The following CIITA variants were observed in gnomAD, a reference collection of about 807,000 sequenced individuals.
The protein encoded by CIITA is MHC class II transactivator.
Under a neutral mutation model 115.1 loss-of-function variants are expected in CIITA, and 72 were observed. The observed-to-expected ratio is 0.63, with a 90% CI of 0.52 to 0.76. CIITA has a LOEUF of 0.76. Among genes scored for constraint, CIITA ranks in the 30% least tolerant of loss-of-function variants. The pLI is 0.00. For synonymous variants in CIITA, 763 were observed against 635.6 expected (o/e 1.20, Z -3.02); for missense variants, 1,617 against 1,463.8 (o/e 1.10, Z -1.71).
rs764908948 is a variant in CIITA, at chr16:10,866,329, C to A, written c.-21+10C>A. The A allele has an allele frequency of 1.6e-5, 9 of 569,236 alleles. No individual in the cohort carries two copies. The East Asian group carries it at 3.4e-4, about 21-fold the overall frequency. 35.3% of individuals were successfully genotyped at this position (569,236 alleles called of 1,614,324 possible). ...GGCCATCCTGACTCAGGTGAGAATG[C>A]TGCTCTCCAGCCATCAGCCCAGCCT... On this transcript the variant is annotated intron_variant, in intron 1 of 5. Transcript: ENST00000636238.
In CIITA at chr16:10,923,453, C is replaced by T; in HGVS notation, c.*22+128C>T. The T allele has an allele frequency of 9.9e-6, 7 of 707,048 alleles. No individual in the cohort carries two copies. The highest frequency in any genetic ancestry group is 3.4e-4 in the Middle Eastern group (1 of 2,942). 43.8% of individuals were successfully genotyped at this position (707,048 alleles called of 1,614,324 possible). ...GGCCACCACCCTTGGACGCATGCGT[C>T]ATCAGAGACATCCCCTCATCTCCAC... On this transcript the variant is annotated intron_variant, in intron 19 of 19. Coordinates refer to ENST00000324288, the MANE Select transcript of CIITA (RefSeq NM_000246.4). The surrounding 1 kb of genome is among the most constrained non-coding windows in gnomAD (Gnocchi z 5.2).
intron 1 of CIITA, 29 bp from the exon 2 acceptor site, chr16:10,895,253 A>T (rs754878641): frequency 6.2e-7 from 1 of 1,612,972 alleles, no homozygotes; most frequent in Non-Finnish European, 8.5e-7. Flanking sequence ...ACACCCTGTG[A>T]GGTGACTGAG....
chr16:10,907,462 T>A lies in CIITA; in HGVS notation c.1970T>A (p.Leu657Gln), dbSNP rs765471411. The change falls in exon 11 of 20, where the codon CTG becomes CAG. Residue 657 changes from leucine to glutamine, a missense_variant. Leu to Gln is a moderately radical substitution (Grantham distance 113). Coordinates refer to ENST00000324288, the MANE Select transcript of CIITA (RefSeq NM_000246.4). The surrounding 1 kb of genome is among the most constrained non-coding windows in gnomAD (Gnocchi z 5.0). ...RAALDSPPGA[L>Q]AELAKLAWEL... ...GCCCTCGACAGCCCCCCCGGGGCCC[T>A]GGCAGAGCTGGCCAAGCTGGCCTGG... is the stretch of plus-strand genomic sequence containing the variant. 1.9e-6 allele frequency: 3 copies of A among 1,613,442 alleles called. No individual in the cohort carries two copies. Among genetic ancestry groups the A allele is most frequent in the Non-Finnish European group, 2.5e-6 (3 of 1,179,904 alleles).
chr16:10,895,999 AT>A (rs559588184), intron 3 of CIITA, among the ~76,000 whole-genome samples: 81 of 151,926 alleles, frequency 5.3e-4, no homozygotes, highest in African/African-American at 1.9e-3. Context: ...ACAAAATCTC[AT>A]GTTTACATCC....
chr16:10,869,482 CCACACT>C (rs1432483920), intron 1 of CIITA, among the ~76,000 whole-genome samples: 1 of 151,928 alleles, frequency 6.6e-6, no homozygotes, highest in Non-Finnish European at 1.5e-5. Flanking sequence ...ACTCCTCCCT[CCACACT>C]CTGAGCCCCC....
In CIITA at chr16:10,899,854, C is replaced by T. The variant is rs538914518; in HGVS notation, c.436+852C>T. 5.9e-5 allele frequency among the ~76,000 whole-genome samples: 9 copies of T among 152,198 alleles called. 1 individual carries two copies. Among genetic ancestry groups the T allele is most frequent in the Middle Eastern group, 6.8e-3 (2 of 294 alleles). On this transcript the variant is annotated intron_variant, in intron 5 of 19. Transcript: ENST00000324288. Reference sequence around the variant, plus strand: ...CAGCAGTTTGGGAGGCCAAGGGGGACGGATCACTTGAGGTCAGGAGTTTGA... The same window carrying T: ...CAGCAGTTTGGGAGGCCAAGGGGGATGGATCACTTGAGGTCAGGAGTTTGA...
chr16:10,919,065 C>A (rs1257790381), intron 16 of CIITA, among the ~76,000 whole-genome samples: 11 of 152,244 alleles, frequency 7.2e-5, no homozygotes, highest in Non-Finnish European at 2.9e-5. Context: ...ATTACCAGCT[C>A]TTCTTACTCG....
intron 1 of CIITA, among the ~76,000 whole-genome samples, chr16:10,880,224 C>A (rs556869470): frequency 6.6e-6 from 1 of 152,254 alleles, no homozygotes; most frequent in African/African-American, 2.4e-5. Flanking sequence ...AGGCTCCCCA[C>A]ACATGAACAT....
intron 1 of CIITA, among the ~76,000 whole-genome samples, chr16:10,890,074 G>A (rs2037395042): frequency 6.6e-6 from 1 of 152,198 alleles, no homozygotes; most frequent in Non-Finnish European, 1.5e-5. Context: ...CCAAGAGGAA[G>A]TGCTTAAGGT....
intron 11 of CIITA, chr16:10,908,577 A>G (rs1160824795): frequency 4.8e-6 from 2 of 414,338 alleles, no homozygotes; most frequent in East Asian, 1.1e-4. Context: ...CAATCTTCTC[A>G]GAACTTGAAT....
rs2040831225 is a variant in CIITA, at chr16:10,932,286, T to C, written c.*8431T>C. 6.6e-6 allele frequency: 1 copy of C among 152,266 alleles called. No homozygotes were observed. The highest frequency in any genetic ancestry group is 2.4e-5 in the African/African-American group (1 of 41,460). 9.4% of individuals were successfully genotyped at this position (152,266 alleles called of 1,614,324 possible). ...TAAATGAAAATCGTGACAACACTTGTGTTATGAAGCATTTACTTTGTGTTC... is the reference window on the plus strand; with the variant it reads ...TAAATGAAAATCGTGACAACACTTGCGTTATGAAGCATTTACTTTGTGTTC... On this transcript the variant is annotated 3_prime_UTR_variant, in exon 20 of 20. Transcript: ENST00000324288.
In CIITA at chr16:10,929,528, C is replaced by CT. The variant is rs960393685; in HGVS notation, c.*5674dup. ...CTCCTGGGTTCAAACAGGAACCTCTCTGTTGGCACGAAGCTTTTGAGGGGA... is the reference window on the plus strand; with the variant it reads ...CTCCTGGGTTCAAACAGGAACCTCTCTTGTTGGCACGAAGCTTTTGAGGGGA... On this transcript the variant is annotated 3_prime_UTR_variant, in exon 20 of 20. Transcript: ENST00000324288. The surrounding 1 kb of genome is among the most constrained non-coding windows in gnomAD (Gnocchi z 4.3). 1 of 985,468 alleles carries CT rather than the reference C, an allele frequency of 1.0e-6. No individual in the cohort carries two copies. Among genetic ancestry groups the CT allele is most frequent in the African/African-American group, 1.7e-5 (1 of 57,238 alleles). 61.0% of individuals were successfully genotyped at this position (985,468 alleles called of 1,614,324 possible).
In CIITA at chr16:10,922,463, G is replaced by A. The variant is rs143260110; in HGVS notation, c.3290G>A (p.Arg1097Gln). 20 of 1,613,954 alleles carry A rather than the reference G, an allele frequency of 1.2e-5. No homozygotes were observed. The highest frequency in any genetic ancestry group is 1.0e-4 in the Admixed American group (6 of 60,004). ...AGAQQLAASL[R>Q]RCPHVETLAM... The stretch of plus-strand genomic sequence containing the variant: ...GCCCAGCAGCTCGCTGCCAGCCTTC[G>A]GAGGTGTCCTCATGTGGAGACGCTG... The change falls in exon 18 of 20, where the codon CGG becomes CAG. Residue 1097 changes from arginine (R) to glutamine (Q), a missense_variant. Coordinates refer to ENST00000324288, the MANE Select transcript of CIITA (RefSeq NM_000246.4).
Position 10,941,868 on chromosome 16 carries a change from G to A in CIITA, n.994G>A. The A allele has an allele frequency of 6.2e-7, 1 of 1,612,402 alleles. No homozygotes were observed. The highest frequency in any genetic ancestry group is 8.5e-7 in the Non-Finnish European group (1 of 1,179,778). On this transcript the variant is annotated non_coding_transcript_exon_variant, in exon 2 of 2. Transcript: ENST00000573379. The surrounding 1 kb of genome is among the most constrained non-coding windows in gnomAD (Gnocchi z 6.4). ...CCACGTTGAGGACGATGTACTCCAT[G>A]AGGAAGGCGTAGTACAGGATCAGCA...
rs556926120 is a variant in CIITA at position 10,924,128 on chromosome 16, G to C, written c.*273G>C. ...CAGCTGCGGTCCACCCAGGAGCCCC[G>C]AGGCCTTCTCTGAAGGACATTGCGG... On this transcript the variant is annotated 3_prime_UTR_variant, in exon 20 of 20. Coordinates refer to ENST00000324288, the MANE Select transcript of CIITA (RefSeq NM_000246.4). 6.6e-6 allele frequency: 1 copy of C among 152,370 alleles called. No homozygotes were observed. The highest frequency in any genetic ancestry group is 2.4e-5 in the African/African-American group (1 of 41,458). The allele number at this position is 152,370 out of a possible 1,614,324, so 9.4% of individuals were successfully genotyped here.
rs1476923022 is a variant in CIITA, at chr16:10,942,372, C to G, written n.1498C>G. 5.6e-6 allele frequency: 1 copy of G among 179,980 alleles called. No individual in the cohort carries two copies. Among genetic ancestry groups the G allele is most frequent in the Admixed American group, 6.4e-5 (1 of 15,620 alleles). 11.1% of individuals were successfully genotyped at this position (179,980 alleles called of 1,614,324 possible). ...CTAGGGCCGGTCCCGGCAGCCTTCT[C>G]TCCCGCCCCGCCCCGCAGGTCCTCG... On this transcript the variant is annotated non_coding_transcript_exon_variant, in exon 2 of 2. Transcript: ENST00000573379. This position sits in a 1 kb window ranked among gnomAD's most constrained non-coding sequence, Gnocchi z 5.0.
intron 12 of CIITA, among the ~76,000 whole-genome samples, 165 bp from the exon 13 acceptor site, chr16:10,910,023 C>G (rs1237396930): frequency 6.7e-6 from 1 of 148,774 alleles, no homozygotes; most frequent in Non-Finnish European, 1.5e-5. Flanking sequence ...TCACGAGGCA[C>G]CGCACCCAGA....
At chr16:10,866,599 G>A (rs770739632) in intron 1 of CIITA, 5 of 502,182 alleles carry the variant, frequency 1.0e-5, no homozygotes, top group African/African-American at 3.9e-5. Flanking sequence ...TTTAATCAAG[G>A]AGAAATGACA....
chr16:10,910,549 T>G (rs577348103), intron 13 of CIITA, among the ~76,000 whole-genome samples: 13 of 152,336 alleles, frequency 8.5e-5, no homozygotes, highest in African/African-American at 2.4e-4. Flanking sequence ...CCTCATGAGC[T>G]GACAGTCTAA....
Sources: allele counts gnomAD v4.1 joint callset (sites outside exome capture counted in the v4.1 genomes callset), GRCh38; gene constraint gnomAD v4.1.1; non-coding constraint Gnocchi (gnomAD v3.1); transcripts MANE v1.5; gene names NCBI Gene and HGNC (gene_info 2026-07-23, HGNC 2026-07-21).